The following CCDC171 variants were observed in gnomAD, a reference collection of about 807,000 sequenced individuals.
CCDC171 encodes the protein coiled-coil domain-containing protein 171.
In CCDC171, 177 loss-of-function variants were observed where a neutral mutation model predicts 168.2. The ratio of observed to expected loss-of-function variants is 1.05; its 90% CI spans 0.93 to 1.19. The LOEUF (loss-of-function observed/expected upper bound fraction) is 1.19, where lower values mean the gene tolerates loss of function less well. Ranked by LOEUF, CCDC171 falls within the 50% of genes most tolerant of loss-of-function variation. CCDC171 has a pLI of 0.00. For missense variants in CCDC171, 1,991 were observed against 1,539.0 expected (o/e 1.29, Z -4.91); for synonymous variants, 687 against 540.8 (o/e 1.27, Z -3.75).
chr9:16,086,402 G>C, the CCDC171 span, among the ~76,000 whole-genome samples: 5 of 151,482 alleles, frequency 3.3e-5, no homozygotes, highest in Admixed American at 3.3e-4. Context: ...CTACCTCTTG[G>C]GTTCAGGTGA....
At chr9:15,734,474 G>A (rs1018545443) in intron 16 of CCDC171, among the ~76,000 whole-genome samples, 1 of 152,108 alleles carries the variant, frequency 6.6e-6, no homozygotes, top group Non-Finnish European at 1.5e-5. Flanking sequence ...GGAGGCAGAG[G>A]TTGCAATAAG....
chr9:15,802,291 G>A (rs1261472425), intron 21 of CCDC171, among the ~76,000 whole-genome samples: 1 of 151,898 alleles, frequency 6.6e-6, no homozygotes, highest in East Asian at 1.9e-4. Flanking sequence ...TGTGCAGGAT[G>A]TGCAGATTTG....
intron 4 of CCDC171, among the ~76,000 whole-genome samples, chr9:15,581,777 A>T (rs2041139927): frequency 6.6e-6 from 1 of 152,140 alleles, no homozygotes; most frequent in African/African-American, 2.4e-5. Context: ...CACAAAAATT[A>T]ACTCAAGATG....
intron 1 of CCDC171, among the ~76,000 whole-genome samples, chr9:15,555,994 C>T (rs1049220198): frequency 1.3e-5 from 2 of 152,150 alleles, no homozygotes; most frequent in African/African-American, 2.4e-5. Context: ...TTATCCATCT[C>T]CCTACAAAGG....
At position 15,971,946 on chromosome 9, in the gene CCDC171, T is replaced by A; in HGVS notation, c.*110T>A. On this transcript the variant is annotated 3_prime_UTR_variant, in exon 26 of 26. Coordinates refer to ENST00000380701, the MANE Select transcript of CCDC171 (RefSeq NM_173550.4). ...GTTTCAGCAGAAGTGGCAGTGGATT[T>A]AAAAAATTTGTGCGCTATCTTGATG... The A allele has an allele frequency of 1.0e-6, 1 of 955,926 alleles. No homozygotes were observed. Among genetic ancestry groups the A allele is most frequent in the Non-Finnish European group, 1.6e-6 (1 of 627,660 alleles). The allele number at this position is 955,926 out of a possible 1,614,324, so 59.2% of individuals were successfully genotyped here.
chr9:16,099,459 C>T, the CCDC171 span, among the ~76,000 whole-genome samples: 9 of 152,196 alleles, frequency 5.9e-5, no homozygotes, highest in Admixed American at 1.3e-4. Flanking sequence ...CACAAGGGAG[C>T]GTGATGCAAC....
At chr9:15,769,374 A>G (rs1164611951) in intron 18 of CCDC171, among the ~76,000 whole-genome samples, 1 of 152,202 alleles carries the variant, frequency 6.6e-6, no homozygotes, top group Non-Finnish European at 1.5e-5. Flanking sequence ...CCAGGGGTTC[A>G]TAGACCTCTT....
chr9:15,750,141 C>G (rs2055620602), intron 18 of CCDC171, among the ~76,000 whole-genome samples: 1 of 151,664 alleles, frequency 6.6e-6, no homozygotes, highest in Non-Finnish European at 1.5e-5. Flanking sequence ...GGGGATATCA[C>G]CACTGATCCC....
chr9:15,714,430 G>C (rs1056808034), intron 11 of CCDC171, among the ~76,000 whole-genome samples: 1 of 152,118 alleles, frequency 6.6e-6, no homozygotes, highest in South Asian at 2.1e-4. Flanking sequence ...GTACCTACTG[G>C]ACCGACTAGA....
chr9:15,857,295 C>T (rs1033396777), intron 23 of CCDC171, among the ~76,000 whole-genome samples: 8 of 151,992 alleles, frequency 5.3e-5, no homozygotes, highest in East Asian at 3.9e-4. Flanking sequence ...TCCATGAAAT[C>T]GTTGCAAAGG....
intron 6 of CCDC171, among the ~76,000 whole-genome samples, chr9:16,027,483 A>G (rs970996590): frequency 3.9e-5 from 6 of 152,216 alleles, no homozygotes; most frequent in Non-Finnish European, 7.3e-5. Flanking sequence ...TTTTATATTC[A>G]CCTGATGCAA....
At chr9:16,037,486 G>A (rs1833492937) in intron 8 of CCDC171, among the ~76,000 whole-genome samples, 1 of 152,148 alleles carries the variant, frequency 6.6e-6, no homozygotes, top group African/African-American at 2.4e-5. Flanking sequence ...CCATGAGAGA[G>A]AACCAGTGGA....
chr9:16,068,997 G>C, the CCDC171 span, among the ~76,000 whole-genome samples: 1 of 152,156 alleles, frequency 6.6e-6, no homozygotes, highest in African/African-American at 2.4e-5. Flanking sequence ...GGGGTAGTTA[G>C]ACCCATTTTA....
At chr9:15,651,457 A>G (rs1044574238) in intron 7 of CCDC171, among the ~76,000 whole-genome samples, 10 of 148,982 alleles carry the variant, frequency 6.7e-5, no homozygotes, top group African/African-American at 2.2e-4. Context: ...TTTTATAGAG[A>G]TTTTGCTCAG....
chr9:15,935,922 T>A (rs1367654522), intron 25 of CCDC171, among the ~76,000 whole-genome samples: 1 of 152,106 alleles, frequency 6.6e-6, no homozygotes, highest in African/African-American at 2.4e-5. Context: ...TTCATATTGA[T>A]AGTTTTACAA....
At chr9:15,632,739 G>C (rs2045834658) in intron 7 of CCDC171, among the ~76,000 whole-genome samples, 1 of 152,160 alleles carries the variant, frequency 6.6e-6, no homozygotes, top group Admixed American at 6.5e-5. Flanking sequence ...AAAGAACAAA[G>C]CTGGAGACAT....
intron 24 of CCDC171, among the ~76,000 whole-genome samples, chr9:15,905,891 A>C (rs1400599007): frequency 6.6e-6 from 1 of 152,194 alleles, no homozygotes; most frequent in Non-Finnish European, 1.5e-5. Flanking sequence ...AATACTATGA[A>C]CACCTCTACG....
chr9:15,564,689 G>C (rs1449468996), intron 2 of CCDC171, among the ~76,000 whole-genome samples: 2 of 152,160 alleles, frequency 1.3e-5, no homozygotes, highest in Non-Finnish European at 2.9e-5. Context: ...ACCTTTGGTG[G>C]GTGGAGTCTA....
the CCDC171 span, among the ~76,000 whole-genome samples, chr9:16,096,771 T>C: frequency 6.6e-6 from 1 of 152,196 alleles, no homozygotes; most frequent in African/African-American, 2.4e-5. Flanking sequence ...ATAGCTCCCT[T>C]GTTTTTAGAC....
Sources: gnomAD v4.1 joint callset for allele counts (sites outside exome capture counted in the v4.1 genomes callset) on GRCh38, gnomAD v4.1.1 for gene constraint, MANE v1.5 for transcripts, NCBI Gene and HGNC (gene_info 2026-07-23, HGNC 2026-07-21) for gene names.